DCAF4: variants seen among roughly 807,000 people sequenced by gnomAD.
DCAF4 encodes DDB1 and CUL4 associated factor 4, also known as DDB1- and CUL4-associated factor 4.
Under a neutral mutation model 60.9 loss-of-function variants are expected in DCAF4, and 37 were observed. That is an observed-to-expected ratio of 0.61 (90% confidence interval 0.47 to 0.80). DCAF4 has a LOEUF of 0.80. Ranked by LOEUF, DCAF4 falls within the 30% of genes least tolerant of loss-of-function variation. The probability of loss-of-function intolerance (pLI) is 0.00; values close to 1 mark genes in which losing one functional copy is unlikely to be tolerated. For missense variants in DCAF4, 577 were observed against 650.0 expected (o/e 0.89, Z 1.22); for synonymous variants, 243 against 254.8 (o/e 0.95, Z 0.44).
chr14:72,933,892 TCCC>T (rs1888904591), intron 1 of DCAF4, among the ~76,000 whole-genome samples: 1 of 152,200 alleles, frequency 6.6e-6, no homozygotes, highest in African/African-American at 2.4e-5. Flanking sequence ...GGCTCCGCTA[TCCC>T]AAGTACCATG....
intron 9 of DCAF4, among the ~76,000 whole-genome samples, chr14:72,953,650 C>T (rs1786909958): frequency 7.6e-6 from 1 of 131,374 alleles, no homozygotes. Context: ...GTTGAGGATG[C>T]ATTGAGCCAT....
chr14:72,959,250 G>A lies in DCAF4; in HGVS notation c.*445G>A. 1.0e-6 allele frequency: 1 copy of A among 987,812 alleles called. No individual in the cohort carries two copies. The highest frequency in any genetic ancestry group is 1.2e-6 in the Non-Finnish European group (1 of 831,640). 61.2% of individuals were successfully genotyped at this position (987,812 alleles called of 1,614,324 possible). ...ACCTGCATCCTGCATCTGTACTTGG[G>A]GAAGCCAGCGGAGAGGACGGGGAGG... On this transcript the variant is annotated 3_prime_UTR_variant, in exon 14 of 14. Transcript: ENST00000358377.
rs755541492 is a variant in DCAF4, at chr14:72,946,023, G to A, written c.674G>A (p.Arg225Gln). 27 of 1,613,708 alleles carry A rather than the reference G, an allele frequency of 1.7e-5. No individual in the cohort carries two copies. The highest frequency in any genetic ancestry group is 5.3e-5 in the African/African-American group (4 of 74,872). The change falls in exon 7 of 14, where the codon CGG becomes CAG. Residue 225 changes from arginine to glutamine, a missense_variant. Physicochemically the swap from Arg to Gln is conservative, Grantham distance 43. Coordinates refer to ENST00000358377, the MANE Select transcript of DCAF4 (RefSeq NM_015604.4). ...FMHENLYFTN[R>Q]KVNSVCWASL... ...CACGAAAACCTCTACTTCACCAACC[G>A]GAAGGTACGTTGCCCATCCCTGTAG...
chr14:72,953,822 GTGTGTGTA>G (rs1334354827), intron 9 of DCAF4, among the ~76,000 whole-genome samples: 37 of 101,336 alleles, frequency 3.7e-4, no homozygotes, highest in African/African-American at 1.1e-3. Context: ...GTGTGTGTGT[GTGTGTGTA>G]TATACACACA....
chr14:72,961,873 C>T, downstream of DCAF4: 1 of 1,103,230 alleles, frequency 9.1e-7, no homozygotes, highest in Non-Finnish European at 1.1e-6. Context: ...AGCAGATGGC[C>T]ACTACAATGC....
chr14:72,955,684 CATGG>C lies in DCAF4; in HGVS notation c.1168_1171del (p.Met390LeufsTer9). 1 of 1,613,560 alleles carries C rather than the reference CATGG, an allele frequency of 6.2e-7. No individual in the cohort carries two copies. The highest frequency in any genetic ancestry group is 8.5e-7 in the Non-Finnish European group (1 of 1,179,686). ...ATGAGCAATACCTGATGGCTTCAGA[CATGG>C]CTGGAAAGGTAGGGGATCATGGACT... On this transcript the variant is annotated frameshift_variant, in exon 12 of 14. Coordinates refer to ENST00000358377, the MANE Select transcript of DCAF4 (RefSeq NM_015604.4). LOFTEE classifies it high-confidence loss of function.
intron 8 of DCAF4, 56 bp from the exon 9 acceptor site, chr14:72,951,742 A>G (rs1891442940): frequency 3.2e-6 from 5 of 1,560,776 alleles, no homozygotes; most frequent in Middle Eastern, 1.7e-4. Context: ...GTAAATGTCC[A>G]TGCCTCCTCC....
At chr14:72,961,945 C>G, downstream of DCAF4, 1 of 1,146,874 alleles carries the variant, frequency 8.7e-7, no homozygotes. Flanking sequence ...CACCCCAGCT[C>G]TCCGTCGGAG....
chr14:72,928,356 G>A (rs559420605), intron 1 of DCAF4, among the ~76,000 whole-genome samples: 2 of 151,520 alleles, frequency 1.3e-5, no homozygotes, highest in South Asian at 4.2e-4. Context: ...ACCGCGCCCG[G>A]CTAACTTTTT....
chr14:72,935,890 T>C (rs1889200125), intron 1 of DCAF4, among the ~76,000 whole-genome samples: 1 of 152,240 alleles, frequency 6.6e-6, no homozygotes. Context: ...TAAAGAAATT[T>C]TGACCTTTTT....
chr14:72,948,472 G>A (rs950011046), intron 8 of DCAF4, among the ~76,000 whole-genome samples: 6 of 152,176 alleles, frequency 3.9e-5, no homozygotes, highest in Admixed American at 2.0e-4. Flanking sequence ...ATTTGATGGG[G>A]TTCTGTAGGC....
Position 72,927,628 on chromosome 14 carries a change from GGCGTGAGC to G in DCAF4, c.-9+1086_-9+1093del, listed in dbSNP as rs1599553892. The stretch of plus-strand genomic sequence containing the variant: ...GGCCTCCCAAAGTGCTGGGATTACA[GGCGTGAGC>G]CACCGCGCCCGGCCTGAGGTGGTGT... On this transcript the variant is annotated intron_variant, in intron 1 of 13. Coordinates refer to ENST00000358377, the MANE Select transcript of DCAF4 (RefSeq NM_015604.4). Among the ~76,000 whole-genome samples, 7 of 152,212 alleles carry G rather than the reference GGCGTGAGC, an allele frequency of 4.6e-5. No individual in the cohort carries two copies. The East Asian group carries it at 1.4e-3, about 29-fold the overall frequency.
intron 1 of DCAF4, among the ~76,000 whole-genome samples, chr14:72,930,413 C>T (rs1448308451): frequency 5.3e-5 from 8 of 152,090 alleles, no homozygotes; most frequent in Admixed American, 3.3e-4. Context: ...GGACCACAGG[C>T]GCCCGCCACC....
intron 9 of DCAF4, among the ~76,000 whole-genome samples, chr14:72,952,648 G>C (rs1248671101): frequency 1.3e-5 from 2 of 152,006 alleles, no homozygotes; most frequent in East Asian, 3.8e-4. Context: ...AGGGATGTGA[G>C]GGAGGCCTCT....
rs1892637251 is a variant in DCAF4 at position 72,958,851 on chromosome 14, G to A, written c.*46G>A. The A allele has an allele frequency of 2.0e-6, 3 of 1,512,568 alleles. No homozygotes were observed. Among genetic ancestry groups the A allele is most frequent in the Admixed American group, 2.3e-5 (1 of 43,786 alleles). 93.7% of individuals were successfully genotyped at this position (1,512,568 alleles called of 1,614,324 possible). On this transcript the variant is annotated 3_prime_UTR_variant, in exon 14 of 14. Coordinates refer to ENST00000358377, the MANE Select transcript of DCAF4 (RefSeq NM_015604.4). ...AGCCATGTGGATTTGACTTACGGGA[G>A]TAAAGCGTAACTTTTTACTGCATCT...
In DCAF4 at chr14:72,958,753, C is replaced by CA; in HGVS notation, c.1436_1437insA (p.Leu481AlafsTer35). The stretch of plus-strand genomic sequence containing the variant: ...CGGCTGGGGGGCTCCCGGGGCGCGC[C>CA]GGGGCTGCTCATGGCTGTCGGGCAG... On this transcript the variant is annotated frameshift_variant, in exon 14 of 14. Coordinates refer to ENST00000358377, the MANE Select transcript of DCAF4 (RefSeq NM_015604.4). LOFTEE classifies it high-confidence loss of function. 1 of 1,609,602 alleles carries CA rather than the reference C, an allele frequency of 6.2e-7. No individual in the cohort carries two copies. Among genetic ancestry groups the CA allele is most frequent in the Non-Finnish European group, 8.5e-7 (1 of 1,177,750 alleles).
In DCAF4 at chr14:72,943,056, A is replaced by G; in HGVS notation, c.494A>G (p.Asp165Gly). ...AAAAAGGTCCAGATTCGAAGCATGG[A>G]TCCCTCCGCCTTGGCAAGCGACCGA... is the stretch of plus-strand genomic sequence containing the variant. Reference protein sequence around the residue: ...ERKKVQIRSMDPSALASDRFN... With the variant: ...ERKKVQIRSMGPSALASDRFN... Residue 165 changes from aspartate to glycine, a missense_variant, in exon 6 of 14, where the codon GAT becomes GGT. By Grantham distance (94) the Asp-to-Gly change is moderately conservative. Transcript: ENST00000358377. 1.2e-6 allele frequency: 2 copies of G among 1,614,182 alleles called. No individual in the cohort carries two copies. Among genetic ancestry groups the G allele is most frequent in the Non-Finnish European group, 1.7e-6 (2 of 1,180,034 alleles).
chr14:72,932,954 G>A (rs1047904406), intron 1 of DCAF4, among the ~76,000 whole-genome samples: 2 of 151,946 alleles, frequency 1.3e-5, no homozygotes, highest in East Asian at 3.9e-4. Flanking sequence ...GCGCAGGCTG[G>A]TCTTGAACTC....
intron 2 of DCAF4, among the ~76,000 whole-genome samples, chr14:72,938,450 A>G (rs1332970032): frequency 3.3e-5 from 5 of 152,228 alleles, no homozygotes; most frequent in Non-Finnish European, 7.3e-5. Flanking sequence ...AAATTTTATT[A>G]ATTCAGCCTA....
Sources: gnomAD v4.1 joint callset for allele counts (sites outside exome capture counted in the v4.1 genomes callset) on GRCh38, gnomAD v4.1.1 for gene constraint, MANE v1.5 for transcripts, NCBI Gene and HGNC (gene_info 2026-07-23, HGNC 2026-07-21) for gene names.